GABRA2: variants seen among roughly 807,000 people sequenced by gnomAD.
The protein encoded by GABRA2 is gamma-aminobutyric acid type A receptor subunit alpha2.
Under a neutral mutation model 48.7 loss-of-function variants are expected in GABRA2, and 16 were observed. The ratio of observed to expected loss-of-function variants is 0.33; its 90% CI spans 0.22 to 0.50. The LOEUF (loss-of-function observed/expected upper bound fraction) is 0.50, where lower values mean the gene tolerates loss of function less well. GABRA2 is among the 20% of genes least tolerant of loss of function. The pLI is 0.98. For missense variants in GABRA2, 275 were observed against 535.6 expected (o/e 0.51, Z 4.80); for synonymous variants, 185 against 184.5 (o/e 1.00, Z -0.02).
At chr4:46,378,342 T>C (rs555135788) in intron 3 of GABRA2, among the ~76,000 whole-genome samples, 17 of 152,028 alleles carry the variant, frequency 1.1e-4, no homozygotes, top group Non-Finnish European at 2.4e-4. Flanking sequence ...TGGGATCCTG[T>C]TGATCTGTGA....
chr4:46,265,204 T>C (rs1392643749), intron 8 of GABRA2, among the ~76,000 whole-genome samples: 2 of 148,982 alleles, frequency 1.3e-5, no homozygotes, highest in East Asian at 3.9e-4. Context: ...CCCAACTAGT[T>C]TTCGTATTTT....
intron 4 of GABRA2, among the ~76,000 whole-genome samples, chr4:46,326,731 G>A (rs1321826695): frequency 6.6e-6 from 1 of 151,770 alleles, no homozygotes; most frequent in Admixed American, 6.6e-5. Flanking sequence ...ACCACCATTA[G>A]ATGGCCCCCA....
In GABRA2 at chr4:46,388,692, C is replaced by G. The variant is rs1376987721; in HGVS notation, c.15G>C (p.Leu5Phe). The G allele has an allele frequency of 6.2e-7, 1 of 1,614,066 alleles. No individual in the cohort carries two copies. The highest frequency in any genetic ancestry group is 8.5e-7 in the Non-Finnish European group (1 of 1,180,000). Residue 5 changes from leucine (L) to phenylalanine (F), a missense_variant, in exon 2 of 10, where the codon TTG (leucine) becomes TTC (phenylalanine). By Grantham distance (22) the Leu-to-Phe change is conservative. Coordinates refer to ENST00000381620, the MANE Select transcript of GABRA2 (RefSeq NM_000807.4). MKTKLNIYNMQFLLF... is the reference protein window; with the variant it reads MKTKFNIYNMQFLLF... ...GCAGGAACTGCATGTTGTAGATGTT[C>G]AATTTTGTCTTCATCACCGCCGCTC...
chr4:46,370,732 C>T (rs1243982293), intron 3 of GABRA2, among the ~76,000 whole-genome samples: 1 of 152,092 alleles, frequency 6.6e-6, no homozygotes, highest in African/African-American at 2.4e-5. Context: ...CCAAAGCAGC[C>T]TTTGTGTCCT....
intron 7 of GABRA2, 127 bp downstream of exon 7, chr4:46,305,441 C>G: frequency 1.3e-6 from 1 of 755,520 alleles, no homozygotes; most frequent in South Asian, 2.0e-5. Flanking sequence ...AGCTCCCAAG[C>G]ACAGCCTATG....
chr4:46,357,923 T>G (rs151180935), intron 3 of GABRA2, among the ~76,000 whole-genome samples: 1,908 of 152,088 alleles, frequency 0.013, 45 homozygotes, highest in African/African-American at 0.044. Flanking sequence ...CTCCTAAAGT[T>G]CTGGGATTAC....
chr4:46,282,059 G>T (rs1316236902), intron 8 of GABRA2, among the ~76,000 whole-genome samples: 1 of 152,134 alleles, frequency 6.6e-6, no homozygotes, highest in Non-Finnish European at 1.5e-5. Context: ...GGAATTTGAA[G>T]GAGGTTCTCT....
At chr4:46,332,263 T>G (rs1731494349) in intron 4 of GABRA2, among the ~76,000 whole-genome samples, 1 of 152,164 alleles carries the variant, frequency 6.6e-6, no homozygotes, top group Admixed American at 6.6e-5. Flanking sequence ...TAAGAAGTCT[T>G]TATCTGTGAA....
At chr4:46,380,436 G>A (rs952885131) in intron 3 of GABRA2, among the ~76,000 whole-genome samples, 1 of 152,082 alleles carries the variant, frequency 6.6e-6, no homozygotes, top group Non-Finnish European at 1.5e-5. Flanking sequence ...AATGCGACAT[G>A]GGTTGATATA....
chr4:46,279,893 T>C (rs1412581039), intron 8 of GABRA2, among the ~76,000 whole-genome samples: 2 of 152,132 alleles, frequency 1.3e-5, no homozygotes, highest in Non-Finnish European at 2.9e-5. Flanking sequence ...GGAAATTGCA[T>C]TCCACTACTT....
At chr4:46,263,333 C>T (rs928095264) in intron 8 of GABRA2, among the ~76,000 whole-genome samples, 1 of 151,946 alleles carries the variant, frequency 6.6e-6, no homozygotes, top group Non-Finnish European at 1.5e-5. Context: ...AGAATTAGCC[C>T]TATTTTTCTT....
chr4:46,265,161 G>T (rs1345831355), intron 8 of GABRA2, among the ~76,000 whole-genome samples: 1 of 149,586 alleles, frequency 6.7e-6, no homozygotes, highest in Non-Finnish European at 1.5e-5. Flanking sequence ...TCAGCACCCT[G>T]AGTAGCTGGG....
At chr4:46,265,479 G>A (rs693636) in intron 8 of GABRA2, among the ~76,000 whole-genome samples, 86,685 of 139,492 alleles carry the variant, frequency 0.62, 27,710 homozygotes, top group South Asian at 0.76. Context: ...AATATATTGT[G>A]TATATATTAT....
chr4:46,382,591 T>G (rs77278311), intron 3 of GABRA2, among the ~76,000 whole-genome samples: 1 of 152,192 alleles, frequency 6.6e-6, no homozygotes, highest in African/African-American at 2.4e-5. Flanking sequence ...GGGCATGCTC[T>G]GACTTAAATT....
In GABRA2 at chr4:46,250,185, A is replaced by C; in HGVS notation, c.*123T>G. On this transcript the variant is annotated 3_prime_UTR_variant, in exon 10 of 10. Coordinates refer to ENST00000381620, the MANE Select transcript of GABRA2 (RefSeq NM_000807.4). ...TCCATTAAAGGTCTACTGGTAAGCT[A>C]TGTCACTATATACATACTGTACATG... The C allele has an allele frequency of 2.5e-6, 2 of 792,406 alleles. No homozygotes were observed. Among genetic ancestry groups the C allele is most frequent in the South Asian group, 3.6e-5 (2 of 54,828 alleles). The allele number at this position is 792,406 out of a possible 1,614,324, so 49.1% of individuals were successfully genotyped here.
At chr4:46,318,418 G>T (rs1404544535) in intron 4 of GABRA2, among the ~76,000 whole-genome samples, 1 of 151,324 alleles carries the variant, frequency 6.6e-6, no homozygotes, top group Non-Finnish European at 1.5e-5. Flanking sequence ...AGGGAAAGAA[G>T]ACATTTCAAT....
intron 8 of GABRA2, among the ~76,000 whole-genome samples, chr4:46,265,223 A>G (rs1344752186): frequency 1.3e-5 from 2 of 149,206 alleles, no homozygotes; most frequent in Non-Finnish European, 3.0e-5. Flanking sequence ...TTTAGTAGAG[A>G]CAGGGTTTTG....
intron 4 of GABRA2, among the ~76,000 whole-genome samples, chr4:46,321,598 G>A (rs1327454360): frequency 6.6e-6 from 1 of 152,022 alleles, no homozygotes; most frequent in East Asian, 1.9e-4. Context: ...GGGTAGATCA[G>A]GGTACCTGGC....
At chr4:46,256,067 T>C (rs545935848) in intron 9 of GABRA2, 1 of 429,068 alleles carries the variant, frequency 2.3e-6, no homozygotes, top group Admixed American at 4.0e-5. Flanking sequence ...CCATACCATG[T>C]TGCCTTTTTA....
Sources: allele counts gnomAD v4.1 joint callset (sites outside exome capture counted in the v4.1 genomes callset), GRCh38; gene constraint gnomAD v4.1.1; transcripts MANE v1.5; gene names NCBI Gene and HGNC (gene_info 2026-07-23, HGNC 2026-07-21).